RALGAPA2: variants seen among roughly 807,000 people sequenced by gnomAD.
The protein encoded by RALGAPA2 is ral GTPase-activating protein subunit alpha-2.
A neutral mutation model predicts 230.4 loss-of-function variants in RALGAPA2; 139 were observed. The ratio of observed to expected loss-of-function variants is 0.60; its 90% CI spans 0.53 to 0.69. RALGAPA2 has a LOEUF of 0.69. RALGAPA2 is among the 30% of genes least tolerant of loss of function. The pLI, the probability that RALGAPA2 is intolerant of heterozygous loss-of-function variation, is 0.00. For synonymous variants in RALGAPA2, 847 were observed against 837.8 expected, an observed-to-expected ratio of 1.01 and a Z score of -0.19; for missense variants, 2,163 against 2,276.0, an observed-to-expected ratio of 0.95 and a Z score of 1.01.
intron 1 of RALGAPA2, among the ~76,000 whole-genome samples, chr20:20,709,651 G>A (rs900532243): frequency 2.0e-5 from 3 of 152,076 alleles, no homozygotes; most frequent in African/African-American, 4.8e-5. Context: ...GGCTTGATAC[G>A]TGTCAAGCCT....
intron 37 of RALGAPA2, among the ~76,000 whole-genome samples, chr20:20,415,748 T>C (rs1275274111): frequency 6.6e-6 from 1 of 152,184 alleles, no homozygotes; most frequent in Non-Finnish European, 1.5e-5. Flanking sequence ...AAATGGATAA[T>C]ATTCCTCTAC....
At position 20,513,229 on chromosome 20, in the gene RALGAPA2, G is replaced by C; in HGVS notation, c.4140C>G (p.Ala1380=). 1 of 1,510,056 alleles carries C rather than the reference G, an allele frequency of 6.6e-7. No homozygotes were observed. Among genetic ancestry groups the C allele is most frequent in the Non-Finnish European group, 8.8e-7 (1 of 1,131,278 alleles). The allele number at this position is 1,510,056 out of a possible 1,614,324, so 93.5% of individuals were successfully genotyped here. ...LIPLTARMVM[A]HLVNHLGHYP... ...AGTGCCCCAGGTGGTTCACCAGGTG[G>C]GCCATCACCATTCGAGCAGTCAAAG... Residue 1380 remains alanine, a synonymous_variant, in exon 32 of 40, where the codon GCC becomes GCG. Transcript: ENST00000202677.
intron 14 of RALGAPA2, among the ~76,000 whole-genome samples, chr20:20,606,660 G>A (rs1194022276): frequency 6.6e-6 from 1 of 151,936 alleles, no homozygotes; most frequent in Non-Finnish European, 1.5e-5. Flanking sequence ...CAGCCTCCAG[G>A]AAGTGTCCTC....
At chr20:20,480,622 G>A (rs1003587457) in intron 36 of RALGAPA2, among the ~76,000 whole-genome samples, 4 of 152,166 alleles carry the variant, frequency 2.6e-5, no homozygotes, top group African/African-American at 9.7e-5. Flanking sequence ...TGGACACTGA[G>A]GCAGTAAAGG....
intron 37 of RALGAPA2, among the ~76,000 whole-genome samples, chr20:20,418,309 T>A (rs2060206934): frequency 1.3e-5 from 2 of 152,192 alleles, no homozygotes; most frequent in Non-Finnish European, 2.9e-5. Flanking sequence ...ATCTTATATA[T>A]CCCAGAGTGG....
chr20:20,676,960 G>C (rs372440815), intron 2 of RALGAPA2, among the ~76,000 whole-genome samples: 9 of 150,994 alleles, frequency 6.0e-5, no homozygotes, highest in Admixed American at 6.6e-5. Flanking sequence ...GATATGGCTT[G>C]TCCAATAAAA....
chr20:20,415,980 G>A (rs2060156782), intron 37 of RALGAPA2, among the ~76,000 whole-genome samples: 2 of 152,132 alleles, frequency 1.3e-5, no homozygotes, highest in African/African-American at 2.4e-5. Flanking sequence ...TTTGGTGGAA[G>A]GAAGGCAGGG....
intron 36 of RALGAPA2, among the ~76,000 whole-genome samples, chr20:20,476,933 C>T (rs2061666261): frequency 6.6e-6 from 1 of 151,976 alleles, no homozygotes; most frequent in South Asian, 2.1e-4. Context: ...TGAAAATAAT[C>T]CAAATATAAT....
At chr20:20,533,149 T>C (rs1019696096) in intron 26 of RALGAPA2, among the ~76,000 whole-genome samples, 2 of 151,778 alleles carry the variant, frequency 1.3e-5, no homozygotes, top group Middle Eastern at 3.2e-3. Context: ...TCTTTCCTAT[T>C]AAAAATAAAG....
chr20:20,569,393 C>T (rs1243565155), intron 23 of RALGAPA2, among the ~76,000 whole-genome samples: 1 of 152,056 alleles, frequency 6.6e-6, no homozygotes, highest in African/African-American at 2.4e-5. Flanking sequence ...CTAACTAAGC[C>T]TAAATAATAG....
chr20:20,537,720 C>G (rs900585235), intron 24 of RALGAPA2, among the ~76,000 whole-genome samples: 1 of 151,612 alleles, frequency 6.6e-6, no homozygotes, highest in African/African-American at 2.4e-5. Context: ...GGTCTGTCAT[C>G]AATCTACTCA....
At chr20:20,607,192 T>C (rs1255748500) in intron 14 of RALGAPA2, among the ~76,000 whole-genome samples, 1 of 152,190 alleles carries the variant, frequency 6.6e-6, no homozygotes, top group Non-Finnish European at 1.5e-5. Flanking sequence ...AATTTACTCT[T>C]TAACATAGAT....
chr20:20,432,054 T>C (rs1314165971), intron 37 of RALGAPA2, among the ~76,000 whole-genome samples: 2 of 152,224 alleles, frequency 1.3e-5, no homozygotes, highest in Non-Finnish European at 1.5e-5. Flanking sequence ...ATTAAAGTCA[T>C]GTAATTTTTT....
intron 37 of RALGAPA2, among the ~76,000 whole-genome samples, chr20:20,439,695 A>G (rs2060694085): frequency 6.6e-6 from 1 of 152,240 alleles, no homozygotes; most frequent in Non-Finnish European, 1.5e-5. Context: ...CCACAGCTAC[A>G]TGCACAGCTT....
chr20:20,618,035 C>A (rs757471472), intron 12 of RALGAPA2, among the ~76,000 whole-genome samples: 6 of 151,896 alleles, frequency 4.0e-5, no homozygotes, highest in Non-Finnish European at 8.8e-5. Context: ...AATTTTTTTT[C>A]TCATGAACAT....
At chr20:20,508,486 T>G (rs1012320839) in intron 33 of RALGAPA2, among the ~76,000 whole-genome samples, 2 of 152,212 alleles carry the variant, frequency 1.3e-5, no homozygotes, top group Non-Finnish European at 2.9e-5. Context: ...CACCTCCCCA[T>G]GTAGTGGCAA....
At chr20:20,413,596 T>G (rs1245596885) in intron 37 of RALGAPA2, among the ~76,000 whole-genome samples, 1 of 152,176 alleles carries the variant, frequency 6.6e-6, no homozygotes, top group Non-Finnish European at 1.5e-5. Flanking sequence ...AAGCACTCAA[T>G]AGCCGCACGT....
chr20:20,691,136 C>T (rs990805178), intron 1 of RALGAPA2, among the ~76,000 whole-genome samples: 1 of 152,146 alleles, frequency 6.6e-6, no homozygotes. Flanking sequence ...TCCACTCTCT[C>T]GTCACCCGCT....
At chr20:20,406,246 C>T (rs1473764569) in intron 38 of RALGAPA2, among the ~76,000 whole-genome samples, 2 of 152,106 alleles carry the variant, frequency 1.3e-5, no homozygotes, top group Non-Finnish European at 2.9e-5. Context: ...GGGACTCAAG[C>T]ATCGGTATCT....
Sources: allele counts gnomAD v4.1 joint callset (sites outside exome capture counted in the v4.1 genomes callset), GRCh38; gene constraint gnomAD v4.1.1; transcripts MANE v1.5; gene names NCBI Gene and HGNC (gene_info 2026-07-23, HGNC 2026-07-21).